Variants in METTL15 observed in about 807,000 individuals in gnomAD.
METTL15 encodes the protein 12S rRNA N(4)-cytidine methyltransferase METTL15.
A neutral mutation model predicts 38.3 loss-of-function variants in METTL15; 34 were observed. The ratio of observed to expected loss-of-function variants is 0.89; its 90% CI spans 0.68 to 1.18. The LOEUF (loss-of-function observed/expected upper bound fraction) is 1.18. METTL15 is among the 50% of genes most tolerant of loss of function. The pLI is 0.00. For missense variants in METTL15, 438 were observed against 498.4 expected, an observed-to-expected ratio of 0.88 and a Z score of 1.15; for synonymous variants, 162 against 170.9, an observed-to-expected ratio of 0.95 and a Z score of 0.41.
intron 5 of METTL15, among the ~76,000 whole-genome samples, chr11:28,389,598 A>G (rs1850480216): frequency 6.6e-6 from 1 of 151,916 alleles, no homozygotes; most frequent in Non-Finnish European, 1.5e-5. Context: ...TCCATGTTGT[A>G]TATGTGCCAC....
chr11:28,330,425 C>T lies in METTL15; in HGVS notation c.808C>T (p.Arg270Trp), dbSNP rs369114838. The T allele has an allele frequency of 3.3e-5, 51 of 1,549,306 alleles. No individual in the cohort carries two copies. The African/African-American group carries it at 3.4e-4, about 10-fold the overall frequency. The change falls in exon 7 of 7, where the codon CGG becomes TGG. Residue 270 changes from arginine (R) to tryptophan (W), a missense_variant. Physicochemically the swap from Arg to Trp is moderately radical, Grantham distance 101. Coordinates refer to ENST00000407364, the MANE Select transcript of METTL15 (RefSeq NM_001113528.2). ...GAFPPSAIYT[R>W]KDLLQRSTHI... ...ATTTCCTCCCTCTGCTATTTATACA[C>T]GGAAAGACTTACTACAGCGATCTAC...
chr11:28,261,040 C>G (rs921790982), intron 4 of METTL15, among the ~76,000 whole-genome samples: 3 of 152,096 alleles, frequency 2.0e-5, no homozygotes, highest in Non-Finnish European at 2.9e-5. Flanking sequence ...ATAAAAGTCA[C>G]GTGTTTGTCT....
chr11:28,237,881 T>C (rs1854080697), intron 4 of METTL15, among the ~76,000 whole-genome samples: 1 of 152,210 alleles, frequency 6.6e-6, no homozygotes, highest in Admixed American at 6.5e-5. Flanking sequence ...CAGACCCTGT[T>C]TGCCTGGGTA....
At chr11:28,512,972 G>A (rs1321354669) in intron 6 of METTL15, among the ~76,000 whole-genome samples, 1 of 152,220 alleles carries the variant, frequency 6.6e-6, no homozygotes. Context: ...AGGAGGAAGA[G>A]AAAGAGGAGG....
intron 5 of METTL15, among the ~76,000 whole-genome samples, chr11:28,411,205 T>C (rs576228503): frequency 6.6e-6 from 1 of 152,048 alleles, no homozygotes; most frequent in South Asian, 2.1e-4. Context: ...ATAATCGCCA[T>C]CAAAATTCTA....
intron 5 of METTL15, among the ~76,000 whole-genome samples, chr11:28,362,510 CCA>C (rs1048732010): frequency 7.2e-5 from 11 of 152,070 alleles, no homozygotes; most frequent in African/African-American, 2.7e-4. Context: ...CTAGTGGACC[CCA>C]GTGTCTATTG....
chr11:28,473,162 T>C (rs1851316528), intron 6 of METTL15, among the ~76,000 whole-genome samples: 1 of 152,174 alleles, frequency 6.6e-6, no homozygotes. Context: ...GTGTGTAACA[T>C]AGACAGTATT....
chr11:28,113,475 G>A lies in METTL15; in HGVS notation c.141G>A (p.Glu47=), dbSNP rs775985544. Residue 47 remains glutamate, a synonymous_variant, in exon 3 of 7, where the codon GAG becomes GAA. Transcript: ENST00000407364. The stretch of plus-strand genomic sequence containing the variant: ...AATATAGAGAATATGAAGCCCGGGA[G>A]CAAACAGATCAAACTCAAGCCCAGG... ...AEKYREYEAR[E]QTDQTQAQEL... is the part of the protein sequence containing the mutation. The A allele has an allele frequency of 2.5e-6, 4 of 1,612,410 alleles. No homozygotes were observed. The highest frequency in any genetic ancestry group is 3.4e-6 in the Non-Finnish European group (4 of 1,179,792).
chr11:28,303,376 A>C (rs61889051), intron 6 of METTL15, among the ~76,000 whole-genome samples: 11 of 152,294 alleles, frequency 7.2e-5, no homozygotes, highest in African/African-American at 1.2e-4. Flanking sequence ...CAATGTTGAA[A>C]TTCACTTGTA....
chr11:28,312,510 G>T (rs998560884), intron 6 of METTL15, among the ~76,000 whole-genome samples: 1 of 152,078 alleles, frequency 6.6e-6, no homozygotes, highest in Non-Finnish European at 1.5e-5. Context: ...GATGAAAAAT[G>T]GACTTTTCCA....
chr11:28,118,016 T>A (rs1176679618), intron 3 of METTL15, among the ~76,000 whole-genome samples: 1 of 152,162 alleles, frequency 6.6e-6, no homozygotes, highest in Non-Finnish European at 1.5e-5. Context: ...TTTTTGTTTT[T>A]TTTTGAGACG....
intron 5 of METTL15, among the ~76,000 whole-genome samples, chr11:28,420,802 C>G (rs953239378): frequency 6.6e-6 from 1 of 151,758 alleles, no homozygotes; most frequent in African/African-American, 2.4e-5. Context: ...GCAATGCATC[C>G]TAAAGAACTA....
At chr11:28,471,335 C>T (rs187080471) in intron 6 of METTL15, among the ~76,000 whole-genome samples, 20 of 152,236 alleles carry the variant, frequency 1.3e-4, no homozygotes, top group Middle Eastern at 3.4e-3. Flanking sequence ...GGGAAAGGAT[C>T]GCATGAATGC....
chr11:28,280,901 C>T (rs1415529398), intron 4 of METTL15, among the ~76,000 whole-genome samples: 1 of 150,272 alleles, frequency 6.7e-6, no homozygotes, highest in African/African-American at 2.5e-5. Flanking sequence ...ATAAAGTTAT[C>T]TAGTTTGTCC....
At chr11:28,307,101 C>T (rs1213355529) in intron 6 of METTL15, among the ~76,000 whole-genome samples, 1 of 151,834 alleles carries the variant, frequency 6.6e-6, no homozygotes, top group Non-Finnish European at 1.5e-5. Context: ...TATATTGCCT[C>T]AAATATTTCT....
chr11:28,327,451 T>A (rs1400394611), intron 6 of METTL15: 2 of 152,330 alleles, frequency 1.3e-5, no homozygotes, highest in Non-Finnish European at 2.9e-5. Flanking sequence ...GTGGTTTTAA[T>A]TTGTCAGCTG....
chr11:28,316,086 C>T (rs1340408711), intron 6 of METTL15, among the ~76,000 whole-genome samples: 1 of 152,218 alleles, frequency 6.6e-6, no homozygotes, highest in Non-Finnish European at 1.5e-5. Flanking sequence ...AAGAGGGCCA[C>T]CATCCTCCAG....
At chr11:28,487,003 G>T (rs749377266) in intron 6 of METTL15, among the ~76,000 whole-genome samples, 1 of 150,014 alleles carries the variant, frequency 6.7e-6, no homozygotes, top group African/African-American at 2.4e-5. Context: ...TGCAAATTAA[G>T]AAAAAAAAAT....
downstream of METTL15, among the ~76,000 whole-genome samples, chr11:28,529,746 A>G (rs914459869): frequency 6.6e-6 from 1 of 152,092 alleles, no homozygotes; most frequent in Non-Finnish European, 1.5e-5. Context: ...TCCAATTGCC[A>G]TAATCCTTAG....
Sources: gnomAD v4.1 joint callset for allele counts (sites outside exome capture counted in the v4.1 genomes callset) on GRCh38, gnomAD v4.1.1 for gene constraint, MANE v1.5 for transcripts, NCBI Gene and HGNC (gene_info 2026-07-23, HGNC 2026-07-21) for gene names.